The following RPL37 variants were observed in gnomAD, a reference collection of about 807,000 sequenced individuals.
RPL37 encodes ribosomal protein L37, also known as large ribosomal subunit protein eL37.
RPL37 carries 1 observed loss-of-function variant against 14.8 expected under a neutral mutation model. The ratio of observed to expected loss-of-function variants is 0.07; its 90% CI spans 0.02 to 0.32. The LOEUF is 0.32. Among genes scored for constraint, RPL37 ranks in the 10% least tolerant of loss-of-function variants. RPL37 has a pLI of 1.00. For synonymous variants in RPL37, 53 were observed against 45.8 expected, an observed-to-expected ratio of 1.16 and a Z score of -0.63; for missense variants, 100 against 128.3, an observed-to-expected ratio of 0.78 and a Z score of 1.06.
rs1060207 is a variant in RPL37 at position 40,834,539 on chromosome 5, G to C, written c.71C>G (p.Ser24Cys). 1.2e-6 allele frequency: 2 copies of C among 1,614,074 alleles called. No individual in the cohort carries two copies. The highest frequency in any genetic ancestry group is 2.2e-5 in the East Asian group (1 of 44,908). Reference sequence around the variant, plus strand: ...CGACTTCTGAAGGTGGTAGGCCTTAGAGCCACAGCGGCGGCACAACGTGTG... The same window carrying C: ...CGACTTCTGAAGGTGGTAGGCCTTACAGCCACAGCGGCGGCACAACGTGTG... ...KTHTLCRRCGSKAYHLQKSTC... is the reference protein window; with the variant it reads ...KTHTLCRRCGCKAYHLQKSTC... Residue 24 changes from serine to cysteine, a missense_variant, in exon 2 of 4, where the codon TCT becomes TGT. Physicochemically the swap from Ser to Cys is moderately radical, Grantham distance 112. Coordinates refer to ENST00000274242, the MANE Select transcript of RPL37 (RefSeq NM_000997.5).
chr5:40,829,502 G>A lies in RPL37; in HGVS notation c.*3002C>T, dbSNP rs565985375. ...CCCTCCTCTGACTGGTTACCATTAT[G>A]TCAGCTGTTTCATTGCTGGCAAAGC... On this transcript the variant is annotated 3_prime_UTR_variant, in exon 4 of 4. Coordinates refer to ENST00000274242, the MANE Select transcript of RPL37 (RefSeq NM_000997.5). 3.9e-5 allele frequency: 6 copies of A among 152,076 alleles called. No individual in the cohort carries two copies. The highest frequency in any genetic ancestry group is 5.9e-5 in the Non-Finnish European group (4 of 68,036). The allele number at this position is 152,076 out of a possible 1,614,324, so 9.4% of individuals were successfully genotyped here.
intron 1 of RPL37, chr5:40,834,899 T>C (rs1745731577): frequency 1.6e-6 from 1 of 609,478 alleles, no homozygotes; most frequent in Admixed American, 3.0e-5. Context: ...ATTCCCAAAC[T>C]CCTTCCCTCG....
rs79508425 is a variant in RPL37, at chr5:40,834,367, G to A, written c.140-102C>T. On this transcript the variant is annotated intron_variant, in intron 2 of 3. Coordinates refer to ENST00000274242, the MANE Select transcript of RPL37 (RefSeq NM_000997.5). The stretch of plus-strand genomic sequence containing the variant: ...TATGCCACCTCATCGGCATACAGAT[G>A]TACGAGTTTTAAGATAGGCACCAAA... The A allele has an allele frequency of 5.8e-4, 905 of 1,564,070 alleles. 11 individuals carry two copies. The East Asian group carries it at 0.015, about 26-fold the overall frequency.
At position 40,832,340 on chromosome 5, in the gene RPL37, A is replaced by G. The variant is rs1005305548; in HGVS notation, c.*164T>C. ...ACCCAGTCCAAAAGTAAACATTCCA[A>G]AACAGTCACTTAACAAGTAAATCTG... On this transcript the variant is annotated 3_prime_UTR_variant, in exon 4 of 4. Transcript: ENST00000274242. 12 of 698,966 alleles carry G rather than the reference A, an allele frequency of 1.7e-5. No individual in the cohort carries two copies. The highest frequency in any genetic ancestry group is 4.2e-4 in the Middle Eastern group (1 of 2,386). 43.3% of individuals were successfully genotyped at this position (698,966 alleles called of 1,614,324 possible).
At chr5:40,835,043 C>T (rs1242487145) in intron 1 of RPL37, 140 bp downstream of exon 1, 5 of 1,166,932 alleles carry the variant, frequency 4.3e-6, no homozygotes, top group Non-Finnish European at 6.2e-6. Context: ...TCTTCTGGCT[C>T]TTGAGGGCCA....
intron 1 of RPL37, among the ~76,000 whole-genome samples, 187 bp from the exon 2 acceptor site, chr5:40,834,793 G>C (rs866450802): frequency 6.6e-6 from 1 of 152,148 alleles, no homozygotes; most frequent in South Asian, 2.1e-4. Flanking sequence ...AAAACCCTCC[G>C]CAAGAGTTGC....
In RPL37 at chr5:40,831,381, TCTGAAG is replaced by T. The variant is rs1257542141; in HGVS notation, c.*1117_*1122del. On this transcript the variant is annotated 3_prime_UTR_variant, in exon 4 of 4. Coordinates refer to ENST00000274242, the MANE Select transcript of RPL37 (RefSeq NM_000997.5). ...GCAGGGTTTCTTTATAAGTGAATGTTCTGAAGCTGAGACCTGAAGGGTAAATTAGGA... is the reference window on the plus strand; with the variant it reads ...GCAGGGTTTCTTTATAAGTGAATGTTCTGAGACCTGAAGGGTAAATTAGGA... The T allele has an allele frequency of 6.6e-6, 1 of 152,360 alleles. No homozygotes were observed. The highest frequency in any genetic ancestry group is 1.9e-4 in the East Asian group (1 of 5,338). The allele number at this position is 152,360 out of a possible 1,614,324, so 9.4% of individuals were successfully genotyped here.
chr5:40,832,593 AGAACAAGT>A lies in RPL37; in HGVS notation c.225-28_225-21del, dbSNP rs1490172101. On this transcript the variant is annotated intron_variant, in intron 3 of 3. Transcript: ENST00000274242. ...CCATGCCTGCAGGATGTCAAAAACA[AGAACAAGT>A]TACTTCAGCAACATCGATGCATACA... The A allele has an allele frequency of 6.2e-7, 1 of 1,606,274 alleles. No homozygotes were observed. The highest frequency in any genetic ancestry group is 1.1e-5 in the South Asian group (1 of 90,954).
At chr5:40,834,920 A>T in intron 1 of RPL37, 1 of 614,582 alleles carries the variant, frequency 1.6e-6, no homozygotes, top group Non-Finnish European at 2.9e-6. Flanking sequence ...GCTCCCAACC[A>T]AGGCTAGAGC....
Position 40,831,303 on chromosome 5 carries a change from T to C in RPL37, c.*1201A>G, listed in dbSNP as rs2112154693. On this transcript the variant is annotated 3_prime_UTR_variant, in exon 4 of 4. Coordinates refer to ENST00000274242, the MANE Select transcript of RPL37 (RefSeq NM_000997.5). ...ATGGCAATTGGACTCTAACCATACA[T>C]CTTTAAAGTATAGTCTCACATTTCG... 6.6e-6 allele frequency: 1 copy of C among 152,446 alleles called. No individual in the cohort carries two copies. Among genetic ancestry groups the C allele is most frequent in the South Asian group, 2.1e-4 (1 of 4,822 alleles). 9.4% of individuals were successfully genotyped at this position (152,446 alleles called of 1,614,324 possible).
chr5:40,834,986 C>G (rs2270625), intron 1 of RPL37, 197 bp downstream of exon 1: 201,149 of 719,414 alleles, frequency 0.28, 30,595 homozygotes, highest in Admixed American at 0.45. Context: ...GGCTCTAGCA[C>G]CACAATTACG....
At position 40,826,354 on chromosome 5, in the gene RPL37, ATTTT is replaced by A. The variant is rs1010651679; in HGVS notation, c.*6146_*6149del. The A allele has an allele frequency of 4.7e-4, 71 of 151,998 alleles. No homozygotes were observed. Among genetic ancestry groups the A allele is most frequent in the African/African-American group, 1.6e-3 (67 of 41,366 alleles). 9.4% of individuals were successfully genotyped at this position (151,998 alleles called of 1,614,324 possible). On this transcript the variant is annotated 3_prime_UTR_variant, in exon 4 of 4. Coordinates refer to ENST00000274242, the MANE Select transcript of RPL37 (RefSeq NM_000997.5). ...TTTTCAGTTTTTATCATTATTTATT[ATTTT>A]ATTTTTTATATCCCAGCCCTCCCAT...
At chr5:40,834,683 C>G in intron 1 of RPL37, 77 bp from the exon 2 acceptor site, 1 of 1,478,076 alleles carries the variant, frequency 6.8e-7, no homozygotes, top group East Asian at 2.3e-5. Context: ...AAACCAATTA[C>G]TGATAAAATT....
rs1213004553 is a variant in RPL37 at position 40,830,683 on chromosome 5, G to A, written c.*1821C>T. The A allele has an allele frequency of 1.3e-5, 2 of 151,798 alleles. No individual in the cohort carries two copies. Among genetic ancestry groups the A allele is most frequent in the Non-Finnish European group, 2.9e-5 (2 of 68,044 alleles). The allele number at this position is 151,798 out of a possible 1,614,324, so 9.4% of individuals were successfully genotyped here. On this transcript the variant is annotated 3_prime_UTR_variant, in exon 4 of 4. Coordinates refer to ENST00000274242, the MANE Select transcript of RPL37 (RefSeq NM_000997.5). ...AGCTAATTTTTGTATTTTTAGTAGA[G>A]TTGGGGTCTCACCATGTGGGCCAGG...
intron 2 of RPL37, 100 bp downstream of exon 2, chr5:40,834,371 G>T: frequency 1.3e-6 from 2 of 1,566,914 alleles, no homozygotes; most frequent in Non-Finnish European, 1.7e-6. Flanking sequence ...ACAGATGTAC[G>T]AGTTTTAAGA....
Position 40,826,245 on chromosome 5 carries a change from T to A in RPL37, c.*6259A>T, listed in dbSNP as rs1282778034. 6.6e-6 allele frequency: 1 copy of A among 152,234 alleles called. No homozygotes were observed. The highest frequency in any genetic ancestry group is 1.5e-5 in the Non-Finnish European group (1 of 68,040). 9.4% of individuals were successfully genotyped at this position (152,234 alleles called of 1,614,324 possible). ...CTACATAAATATAACCTTATTAGAA[T>A]GGGATTTTTCCTACTTTGGGTAACT... On this transcript the variant is annotated 3_prime_UTR_variant, in exon 4 of 4. Coordinates refer to ENST00000274242, the MANE Select transcript of RPL37 (RefSeq NM_000997.5).
chr5:40,832,410 AC>A lies in RPL37; in HGVS notation c.*93del. ...CCTAAACCTACAGTATTTCACTGAT[AC>A]TACAAGCCTAATTGATTAAAAATAC... On this transcript the variant is annotated 3_prime_UTR_variant, in exon 4 of 4. Coordinates refer to ENST00000274242, the MANE Select transcript of RPL37 (RefSeq NM_000997.5). 1 of 1,036,904 alleles carries A rather than the reference AC, an allele frequency of 9.6e-7. No homozygotes were observed. Among genetic ancestry groups the A allele is most frequent in the Non-Finnish European group, 1.5e-6 (1 of 657,300 alleles). 64.2% of individuals were successfully genotyped at this position (1,036,904 alleles called of 1,614,324 possible).
chr5:40,831,308 A>G lies in RPL37; in HGVS notation c.*1196T>C, dbSNP rs572911178. ...AATTGGACTCTAACCATACATCTTTAAAGTATAGTCTCACATTTCGGGAGG... is the reference window on the plus strand; with the variant it reads ...AATTGGACTCTAACCATACATCTTTGAAGTATAGTCTCACATTTCGGGAGG... On this transcript the variant is annotated 3_prime_UTR_variant, in exon 4 of 4. Transcript: ENST00000274242. 10 of 152,492 alleles carry G rather than the reference A, an allele frequency of 6.6e-5. No homozygotes were observed. The South Asian group carries it at 1.2e-3, about 19-fold the overall frequency. 9.4% of individuals were successfully genotyped at this position (152,492 alleles called of 1,614,324 possible). A position where few individuals can be genotyped will look rare whatever the true frequency, so the allele number is the denominator to read the frequency against.
rs1178207539 is a variant in RPL37 at position 40,825,872 on chromosome 5, AT to A, written c.*6631del. 1 of 152,016 alleles carries A rather than the reference AT, an allele frequency of 6.6e-6. No homozygotes were observed. Among genetic ancestry groups the A allele is most frequent in the Non-Finnish European group, 1.5e-5 (1 of 68,050 alleles). 9.4% of individuals were successfully genotyped at this position (152,016 alleles called of 1,614,324 possible). A position where few individuals can be genotyped will look rare whatever the true frequency, so the allele number is the denominator to read the frequency against. ...AGGTGTGTGCCACTGCACCTGGCTA[AT>A]TTTTGTATTTTTAGTGGAGACGGGG... On this transcript the variant is annotated 3_prime_UTR_variant, in exon 4 of 4. Transcript: ENST00000274242.
Sources: gnomAD v4.1 joint callset for allele counts (sites outside exome capture counted in the v4.1 genomes callset) on GRCh38, gnomAD v4.1.1 for gene constraint, MANE v1.5 for transcripts, NCBI Gene and HGNC (gene_info 2026-07-23, HGNC 2026-07-21) for gene names.